The following PODN variants were observed in gnomAD, a reference collection of about 807,000 sequenced individuals.
PODN encodes the protein podocan proteoglycan.
PODN carries 40 observed loss-of-function variants against 52.7 expected under a neutral mutation model. The ratio of observed to expected loss-of-function variants is 0.76; its 90% CI spans 0.59 to 0.99. The LOEUF (loss-of-function observed/expected upper bound fraction) is 0.99, where lower values mean the gene tolerates loss of function less well. PODN is among the 50% of genes least tolerant of loss of function. The pLI is 0.00. For synonymous variants in PODN, 396 were observed against 377.9 expected (o/e 1.05, Z -0.56); for missense variants, 720 against 815.1 (o/e 0.88, Z 1.42).
At chr1:53,082,563 G>A (rs539024592) in intron 10 of PODN, among the ~76,000 whole-genome samples, 1 of 152,294 alleles carries the variant, frequency 6.6e-6, no homozygotes, top group South Asian at 2.1e-4. Context: ...GAGAGTGAGT[G>A]AGGGGGGCAG....
chr1:53,063,685 G>A, intron 1 of PODN: 1 of 578,566 alleles, frequency 1.7e-6, no homozygotes, highest in South Asian at 7.6e-5. Context: ...TAGAGTGCAA[G>A]TTAAGAAATG....
intron 1 of PODN, among the ~76,000 whole-genome samples, chr1:53,065,165 C>A (rs1372920415): frequency 6.6e-6 from 1 of 152,162 alleles, no homozygotes; most frequent in Non-Finnish European, 1.5e-5. Flanking sequence ...ACAGCCTGGG[C>A]AACATAGTGA....
Position 53,082,040 on chromosome 1 carries a change from T to C in PODN, c.1721T>C (p.Leu574Pro), listed in dbSNP as rs775488137. 6.2e-7 allele frequency: 1 copy of C among 1,613,688 alleles called. No individual in the cohort carries two copies. The highest frequency in any genetic ancestry group is 8.5e-7 in the Non-Finnish European group (1 of 1,179,836). ...VDSAFRRLKH[L>P]QVLDIEGNLE... ...AGTGCCTTCCGGAGGCTGAAGCACC[T>C]GCAGGTCTTGGACATTGAAGGCAAC... is the stretch of plus-strand genomic sequence containing the variant. Residue 574 changes from leucine to proline, a missense_variant, in exon 10 of 11, where the codon CTG (leucine) becomes CCG (proline). By Grantham distance (98) the Leu-to-Pro change is moderately conservative. Coordinates refer to ENST00000312553, the MANE Select transcript of PODN (RefSeq NM_153703.5).
At position 53,063,877 on chromosome 1, in the gene PODN, G is replaced by T. The variant is rs568565867; in HGVS notation, c.-56+1569G>T. On this transcript the variant is annotated intron_variant, in intron 1 of 10. Transcript: ENST00000312553. ...TCCCTATCACCAACACTAGCATGGC[G>T]GTGGAGGCCCTTGGCCACCCAGGCC... 2.0e-5 allele frequency among the ~76,000 whole-genome samples: 3 copies of T among 152,176 alleles called. No individual in the cohort carries two copies. The East Asian group carries it at 5.8e-4, about 30-fold the overall frequency.
chr1:53,077,790 G>C lies in PODN; in HGVS notation c.844G>C (p.Glu282Gln), dbSNP rs775065776. Residue 282 changes from glutamate to glutamine, a missense_variant, in exon 7 of 11, where the codon GAG (glutamate) becomes CAG (glutamine). By Grantham distance (29) the Glu-to-Gln change is conservative. Transcript: ENST00000312553. ...NYLTDEGLDN[E>Q]TFWKLSSLEY... ...CCTGACTGACGAGGGCCTGGACAAC[G>C]AGACCTTCTGGTGAGTCCTTGTCTC... The C allele has an allele frequency of 6.2e-7, 1 of 1,613,306 alleles. No homozygotes were observed. Among genetic ancestry groups the C allele is most frequent in the Non-Finnish European group, 8.5e-7 (1 of 1,179,884 alleles).
At position 53,078,620 on chromosome 1, in the gene PODN, G is replaced by T; in HGVS notation, c.1110G>T (p.Ala370=). 1.2e-6 allele frequency: 2 copies of T among 1,613,034 alleles called. No individual in the cohort carries two copies. The highest frequency in any genetic ancestry group is 2.2e-5 in the East Asian group (1 of 44,886). ...RLHTVHLYNN[A]LERVPSGLPR... is the part of the protein sequence containing the mutation. ...ACACGGTGCACCTGTACAACAACGC[G>T]CTGGAGCGCGTGCCCAGTGGCCTGC... Residue 370 remains alanine, a synonymous_variant, in exon 8 of 11, where the codon GCG becomes GCT. Transcript: ENST00000312553.
At chr1:53,067,843 G>A (rs1023149018) in intron 1 of PODN, among the ~76,000 whole-genome samples, 2 of 150,738 alleles carry the variant, frequency 1.3e-5, no homozygotes, top group African/African-American at 2.5e-5. Context: ...TTCAGCCCCG[G>A]AGCTCAAGGT....
At chr1:53,083,854 G>C (rs1341051667) in intron 10 of PODN, among the ~76,000 whole-genome samples, 1 of 152,122 alleles carries the variant, frequency 6.6e-6, no homozygotes. Context: ...GAGGAGAGCT[G>C]GTGAGGAGTG....
At chr1:53,082,233 T>C in intron 10 of PODN, 45 bp downstream of exon 10, 1 of 1,439,666 alleles carries the variant, frequency 6.9e-7, no homozygotes, top group Non-Finnish European at 9.1e-7. Context: ...CTCCCTGCAT[T>C]TTCCCCTTCC....
chr1:53,074,632 C>G lies in PODN; in HGVS notation c.433C>G (p.Leu145Val). ...GCTCCCAGAGAAGGCGTTTGAGCAT[C>G]TGACCAACCTCAATTACCTGTACTT... ...RGLPEKAFEH[L>V]TNLNYLYLAN... Residue 145 changes from leucine (L) to valine (V), a missense_variant, in exon 4 of 11, where the codon CTG becomes GTG. Physicochemically the swap from Leu to Val is conservative, Grantham distance 32. Transcript: ENST00000312553. 1 of 1,614,092 alleles carries G rather than the reference C, an allele frequency of 6.2e-7. No homozygotes were observed. Among genetic ancestry groups the G allele is most frequent in the Non-Finnish European group, 8.5e-7 (1 of 1,180,020 alleles).
chr1:53,075,778 GC>G (rs1386214108), intron 4 of PODN, 83 bp from the exon 5 acceptor site: 1 of 1,176,088 alleles, frequency 8.5e-7, no homozygotes, highest in Non-Finnish European at 1.2e-6. Flanking sequence ...CAGTGAAGGG[GC>G]CCCGGTGGGC....
intron 9 of PODN, among the ~76,000 whole-genome samples, chr1:53,081,118 G>A (rs1190453524): frequency 1.3e-5 from 2 of 152,262 alleles, no homozygotes; most frequent in African/African-American, 2.4e-5. Context: ...CAGAAAGGAT[G>A]CTGGACAGCA....
rs1441222345 is a variant in PODN at position 53,077,277 on chromosome 1, C to T, written c.669C>T (p.Ile223=). ...GCTCCAGCAACGTCGAGGTCCTCAT[C>T]CTGTCCAGCAACTTCCTGCGCCACG... The part of the protein sequence containing the change: ...FNGSSNVEVL[I]LSSNFLRHVP... Residue 223 remains isoleucine (I), a synonymous_variant, in exon 6 of 11, where the codon ATC becomes ATT. Coordinates refer to ENST00000312553, the MANE Select transcript of PODN (RefSeq NM_153703.5). 6.2e-7 allele frequency: 1 copy of T among 1,613,468 alleles called. No homozygotes were observed. The highest frequency in any genetic ancestry group is 8.5e-7 in the Non-Finnish European group (1 of 1,180,030).
intron 7 of PODN, among the ~76,000 whole-genome samples, chr1:53,078,155 A>C (rs981290717): frequency 6.6e-6 from 1 of 152,210 alleles, no homozygotes; most frequent in Non-Finnish European, 1.5e-5. Context: ...TCTTCAAGTA[A>C]ACTCCTGTGT....
At chr1:53,075,998 C>A (rs767653385) in intron 5 of PODN, 27 bp downstream of exon 5, 2 of 1,522,386 alleles carry the variant, frequency 1.3e-6, no homozygotes, top group Admixed American at 3.8e-5. Context: ...GGTCAGGGCT[C>A]GGGCTGGGGC....
chr1:53,065,735 G>A (rs1644022375), intron 1 of PODN, among the ~76,000 whole-genome samples: 1 of 152,128 alleles, frequency 6.6e-6, no homozygotes, highest in Non-Finnish European at 1.5e-5. Context: ...GGCTTGTGGC[G>A]ACTGTGCCTT....
intron 1 of PODN, among the ~76,000 whole-genome samples, chr1:53,064,308 C>T (rs1004720697): frequency 1.3e-5 from 2 of 152,200 alleles, no homozygotes; most frequent in African/African-American, 4.8e-5. Context: ...CCAGAAACAC[C>T]CTAACCCAGC....
At chr1:53,063,798 G>C (rs960818329) in intron 1 of PODN, among the ~76,000 whole-genome samples, 1 of 152,140 alleles carries the variant, frequency 6.6e-6, no homozygotes, top group African/African-American at 2.4e-5. Flanking sequence ...TTTTAGGCTT[G>C]GTGTAGTCAT....
intron 7 of PODN, 100 bp from the exon 8 acceptor site, chr1:53,078,265 G>A: frequency 1.6e-6 from 2 of 1,216,260 alleles, no homozygotes; most frequent in South Asian, 1.4e-5. Flanking sequence ...GAGCTGGGAG[G>A]AGCTAGTGGC....
Sources: gnomAD v4.1 joint callset for allele counts (sites outside exome capture counted in the v4.1 genomes callset) on GRCh38, gnomAD v4.1.1 for gene constraint, MANE v1.5 for transcripts, NCBI Gene and HGNC (gene_info 2026-07-23, HGNC 2026-07-21) for gene names.